The following CNTNAP3 variants were observed in gnomAD, a reference collection of about 807,000 sequenced individuals.
CNTNAP3 encodes contactin associated protein family member 3.
Under a neutral mutation model 92.1 loss-of-function variants are expected in CNTNAP3, and 36 were observed. That is an observed-to-expected ratio of 0.39 (90% CI 0.30 to 0.52). The LOEUF is 0.52. Among genes scored for constraint, CNTNAP3 ranks in the 20% least tolerant of loss-of-function variants. The pLI is 0.76. For missense variants in CNTNAP3, 534 were observed against 1,069.6 expected, an observed-to-expected ratio of 0.50 and a Z score of 6.98; for synonymous variants, 232 against 422.3, an observed-to-expected ratio of 0.55 and a Z score of 5.53.
intron 18 of CNTNAP3, among the ~76,000 whole-genome samples, chr9:39,095,909 C>T (rs1223326292): frequency 6.6e-6 from 1 of 151,000 alleles, no homozygotes; most frequent in Non-Finnish European, 1.5e-5. Context: ...AATTTGTTCT[C>T]TTTTTAAAAA....
At chr9:39,108,306 T>C (rs1826656707) in intron 15 of CNTNAP3, among the ~76,000 whole-genome samples, 1 of 151,710 alleles carries the variant, frequency 6.6e-6, no homozygotes, top group African/African-American at 2.4e-5. Context: ...TACGCATCGA[T>C]AGTGATGTTG....
chr9:39,100,672 G>C (rs1283982999), intron 17 of CNTNAP3, among the ~76,000 whole-genome samples: 1 of 152,114 alleles, frequency 6.6e-6, no homozygotes, highest in Non-Finnish European at 1.5e-5. Context: ...GCAAAGGAGG[G>C]GAAGTTGGAA....
chr9:39,126,529 G>C (rs1213147562), intron 13 of CNTNAP3, among the ~76,000 whole-genome samples: 1 of 152,158 alleles, frequency 6.6e-6, no homozygotes, highest in African/African-American at 2.4e-5. Context: ...CTTGAACATG[G>C]ATGAAGCAAT....
chr9:39,205,044 G>T (rs1822561034), intron 3 of CNTNAP3, among the ~76,000 whole-genome samples: 1 of 67,236 alleles, frequency 1.5e-5, no homozygotes, highest in Admixed American at 1.5e-4. Context: ...ACTTCCTTAA[G>T]CCCTTTGCTC....
chr9:39,079,172 T>A (rs1665830545), intron 21 of CNTNAP3, among the ~76,000 whole-genome samples: 1 of 152,152 alleles, frequency 6.6e-6, no homozygotes, highest in Non-Finnish European at 1.5e-5. Flanking sequence ...TCTCTGCAAG[T>A]AACAGAGCTT....
intron 13 of CNTNAP3, among the ~76,000 whole-genome samples, chr9:39,119,484 C>T (rs1328804908): frequency 2.0e-5 from 3 of 152,000 alleles, no homozygotes; most frequent in Admixed American, 6.6e-5. Flanking sequence ...ACACTCTTCT[C>T]GGAATGCCAC....
In CNTNAP3 at chr9:39,118,081, A is replaced by C. The variant is rs779670519; in HGVS notation, c.2237+22T>G. 6.9e-6 allele frequency: 11 copies of C among 1,587,088 alleles called. No homozygotes were observed. The East Asian group carries it at 2.0e-4, about 29-fold the overall frequency. On this transcript the variant is annotated intron_variant, in intron 14 of 23. Transcript: ENST00000297668. The stretch of plus-strand genomic sequence containing the variant: ...AAGAATAAAAACCACATTTTTGTGC[A>C]GGGAAATCATGTGGAAATCACCATT...
At chr9:39,127,106 G>A (rs1821170563) in intron 13 of CNTNAP3, among the ~76,000 whole-genome samples, 2 of 151,424 alleles carry the variant, frequency 1.3e-5, no homozygotes, top group African/African-American at 2.4e-5. Flanking sequence ...ACCAGAAAGA[G>A]AAAAAGAAAA....
At chr9:39,087,489 T>TTTTG (rs1316791828) in intron 19 of CNTNAP3, among the ~76,000 whole-genome samples, 2 of 151,672 alleles carry the variant, frequency 1.3e-5, no homozygotes, top group South Asian at 2.1e-4. Flanking sequence ...AGATTTTTTT[T>TTTTG]TTTGTTTGTT....
At position 39,118,411 on chromosome 9, in the gene CNTNAP3, T is replaced by C. The variant is rs528594278; in HGVS notation, c.2081-152A>G. The stretch of plus-strand genomic sequence containing the variant: ...TACTTAAATACTTGTATTTTACCTC[T>C]GAAACGTTTATTTAAGCCTAACCAA... On this transcript the variant is annotated intron_variant, in intron 13 of 23. Transcript: ENST00000297668. The C allele has an allele frequency of 1.5e-4, 173 of 1,160,556 alleles. 1 individual carries two copies. The highest frequency in any genetic ancestry group is 6.0e-6 in the Non-Finnish European group (5 of 830,856). 71.9% of individuals were successfully genotyped at this position (1,160,556 alleles called of 1,614,324 possible). A position where few individuals can be genotyped will look rare whatever the true frequency, so the allele number is the denominator to read the frequency against.
intron 12 of CNTNAP3, among the ~76,000 whole-genome samples, chr9:39,134,924 G>T (rs1191185490): frequency 6.6e-6 from 1 of 152,208 alleles, no homozygotes; most frequent in Non-Finnish European, 1.5e-5. Flanking sequence ...TGATGGTCCA[G>T]AGTAGTTCAC....
chr9:39,086,590 T>C (rs1402135030), intron 20 of CNTNAP3, 126 bp downstream of exon 20: 14 of 1,271,934 alleles, frequency 1.1e-5, no homozygotes, highest in Non-Finnish European at 1.4e-5. Flanking sequence ...TGGCTTCTTC[T>C]TGACTTATGG....
Position 39,092,097 on chromosome 9 carries a change from CTCTT to C in CNTNAP3, c.2996-3454_2996-3451del, listed in dbSNP as rs1826217661. Among the ~76,000 whole-genome samples, 4 of 148,794 alleles carry C rather than the reference CTCTT, an allele frequency of 2.7e-5. No homozygotes were observed. The South Asian group carries it at 8.6e-4, about 32-fold the overall frequency. ...TTCTGTAAGGTTGGTAGTAATATCA[CTCTT>C]TCATATGTCATTCTAGTAATTTGAA... On this transcript the variant is annotated intron_variant, in intron 18 of 23. Coordinates refer to ENST00000297668, the MANE Select transcript of CNTNAP3 (RefSeq NM_033655.5).
chr9:39,085,141 G>A (rs1214576431), intron 21 of CNTNAP3: 2 of 119,722 alleles, frequency 1.7e-5, no homozygotes, highest in Non-Finnish European at 3.1e-5. Flanking sequence ...AAAGCTAACT[G>A]TGCTTTTACA....
intron 12 of CNTNAP3, chr9:39,139,963 T>G (rs1490182845): frequency 1.3e-5 from 2 of 152,694 alleles, no homozygotes; most frequent in Non-Finnish European, 2.9e-5. Context: ...GCCAGGATGG[T>G]CTCAATCTCT....
intron 13 of CNTNAP3, among the ~76,000 whole-genome samples, chr9:39,127,995 C>T (rs573546698): frequency 8.5e-5 from 13 of 152,174 alleles, no homozygotes; most frequent in African/African-American, 2.6e-4. Context: ...TGCGCCACCA[C>T]GCCCAACTAA....
At chr9:39,126,075 A>G (rs562198963) in intron 13 of CNTNAP3, among the ~76,000 whole-genome samples, 2 of 152,334 alleles carry the variant, frequency 1.3e-5, no homozygotes, top group East Asian at 3.9e-4. Flanking sequence ...CAAATGCACA[A>G]TTCATTAAGT....
intron 14 of CNTNAP3, among the ~76,000 whole-genome samples, chr9:39,112,951 C>A (rs1693118): frequency 6.6e-6 from 1 of 152,142 alleles, no homozygotes; most frequent in African/African-American, 2.4e-5. Flanking sequence ...ACAAGTAAAA[C>A]CACTTGGCAT....
chr9:39,103,583 C>A (rs1767794805), intron 16 of CNTNAP3, 161 bp downstream of exon 16: 20 of 854,688 alleles, frequency 2.3e-5, no homozygotes, highest in Non-Finnish European at 2.1e-5. Context: ...TCCTCTCTCC[C>A]TCTCTCAAAA....
Sources: gnomAD v4.1 joint callset for allele counts (sites outside exome capture counted in the v4.1 genomes callset) on GRCh38, gnomAD v4.1.1 for gene constraint, MANE v1.5 for transcripts, NCBI Gene and HGNC (gene_info 2026-07-23, HGNC 2026-07-21) for gene names.